CNTN4: variants seen among roughly 807,000 people sequenced by gnomAD.
The protein encoded by CNTN4 is contactin 4, also known as contactin-4.
CNTN4 carries 77 observed loss-of-function variants against 122.5 expected under a neutral mutation model. The ratio of observed to expected loss-of-function variants is 0.63; its 90% CI spans 0.52 to 0.76. The LOEUF (loss-of-function observed/expected upper bound fraction) is 0.76, where lower values mean the gene tolerates loss of function less well. Among genes scored for constraint, CNTN4 ranks in the 30% least tolerant of loss-of-function variants. The probability of loss-of-function intolerance (pLI) is 0.00; values close to 1 mark genes in which losing one functional copy is unlikely to be tolerated. For missense variants in CNTN4, 1,256 were observed against 1,259.1 expected (o/e 1.00, Z 0.04); for synonymous variants, 512 against 447.0 (o/e 1.15, Z -1.83).
intron 2 of CNTN4, among the ~76,000 whole-genome samples, chr3:2,335,296 A>T (rs1009448150): frequency 7.7e-6 from 1 of 129,384 alleles, no homozygotes; most frequent in Admixed American, 8.5e-5. Context: ...TGAATTTTTC[A>T]TGATTAAAAA....
chr3:2,429,869 G>C (rs2047994747), intron 3 of CNTN4, among the ~76,000 whole-genome samples: 1 of 152,136 alleles, frequency 6.6e-6, no homozygotes, highest in Non-Finnish European at 1.5e-5. Context: ...CGTGGGCATG[G>C]GACCCTCCAA....
intron 4 of CNTN4, among the ~76,000 whole-genome samples, chr3:2,620,099 T>G (rs2081937940): frequency 2.0e-5 from 3 of 152,200 alleles, no homozygotes; most frequent in African/African-American, 7.2e-5. Context: ...ATATTAAGAT[T>G]CAATGTTTAA....
intron 13 of CNTN4, among the ~76,000 whole-genome samples, chr3:2,937,317 G>GC (rs2094575730): frequency 1.3e-5 from 2 of 152,118 alleles, no homozygotes; most frequent in South Asian, 4.1e-4. Flanking sequence ...TTCTTTTCAT[G>GC]CCCCCAAAAT....
intron 13 of CNTN4, among the ~76,000 whole-genome samples, chr3:2,983,428 C>A (rs1312156927): frequency 6.6e-6 from 1 of 151,874 alleles, no homozygotes; most frequent in Non-Finnish European, 1.5e-5. Flanking sequence ...TTAGTCTTAA[C>A]AGAATCCTTT....
intron 3 of CNTN4, among the ~76,000 whole-genome samples, chr3:2,567,233 T>C (rs1032855880): frequency 7.9e-5 from 12 of 152,018 alleles, no homozygotes; most frequent in African/African-American, 2.9e-4. Flanking sequence ...ACTACAGGCA[T>C]GTGCCACCAC....
intron 3 of CNTN4, among the ~76,000 whole-genome samples, chr3:2,490,066 C>G (rs537821943): frequency 2.6e-5 from 4 of 151,162 alleles, no homozygotes; most frequent in Non-Finnish European, 5.9e-5. Flanking sequence ...GAATTATTAT[C>G]TCTACCAGGA....
intron 3 of CNTN4, among the ~76,000 whole-genome samples, chr3:2,402,875 G>GT (rs1429385095): frequency 2.6e-5 from 4 of 152,102 alleles, no homozygotes; most frequent in South Asian, 2.1e-4. Flanking sequence ...AAATTGCTGT[G>GT]ATTGCAATAG....
chr3:2,667,574 G>T (rs1281073026), intron 4 of CNTN4, among the ~76,000 whole-genome samples: 3 of 151,918 alleles, frequency 2.0e-5, no homozygotes, highest in Admixed American at 2.0e-4. Context: ...TTCTTTTGCT[G>T]TGCAGAAGCT....
intron 2 of CNTN4, among the ~76,000 whole-genome samples, chr3:2,112,601 G>T (rs2033047329): frequency 6.6e-6 from 1 of 152,060 alleles, no homozygotes; most frequent in Admixed American, 6.5e-5. Context: ...TTTGTATGTT[G>T]GTTTACTACC....
chr3:2,573,381 G>T (rs1310902186), intron 4 of CNTN4, among the ~76,000 whole-genome samples: 1 of 151,948 alleles, frequency 6.6e-6, no homozygotes, highest in Admixed American at 6.6e-5. Flanking sequence ...CCCCCATCTG[G>T]TCAGAGCCTT....
At chr3:2,581,636 T>C (rs1269961318) in intron 4 of CNTN4, among the ~76,000 whole-genome samples, 4 of 152,204 alleles carry the variant, frequency 2.6e-5, no homozygotes, top group African/African-American at 9.6e-5. Flanking sequence ...GTTTTTTTTC[T>C]CTTGTAAAGT....
intron 3 of CNTN4, among the ~76,000 whole-genome samples, chr3:2,405,961 A>G (rs914106076): frequency 6.6e-6 from 1 of 152,030 alleles, no homozygotes; most frequent in African/African-American, 2.4e-5. Context: ...CGGGAGGTCA[A>G]GGTTGTAGTG....
chr3:2,969,802 A>C (rs1272432972), intron 13 of CNTN4, among the ~76,000 whole-genome samples: 2 of 152,162 alleles, frequency 1.3e-5, no homozygotes, highest in African/African-American at 4.8e-5. Context: ...GTATGATTTC[A>C]ATTATTAAAG....
chr3:2,666,368 A>G (rs1230220907), intron 4 of CNTN4, among the ~76,000 whole-genome samples: 1 of 152,166 alleles, frequency 6.6e-6, no homozygotes, highest in Non-Finnish European at 1.5e-5. Flanking sequence ...CATTATAAGT[A>G]AGATCTGATT....
At chr3:2,714,859 C>T (rs2087390487) in intron 4 of CNTN4, among the ~76,000 whole-genome samples, 1 of 152,092 alleles carries the variant, frequency 6.6e-6, no homozygotes. Flanking sequence ...TTCCTTGGCC[C>T]CCAAAGCTCT....
At chr3:2,533,214 A>G (rs992010776) in intron 3 of CNTN4, among the ~76,000 whole-genome samples, 2 of 150,978 alleles carry the variant, frequency 1.3e-5, no homozygotes, top group Middle Eastern at 3.2e-3. Flanking sequence ...TACATGTGCC[A>G]TGTTGGTGTG....
intron 4 of CNTN4, among the ~76,000 whole-genome samples, chr3:2,720,815 C>A (rs2087802483): frequency 6.6e-6 from 1 of 152,192 alleles, no homozygotes; most frequent in African/African-American, 2.4e-5. Flanking sequence ...AGGGATTTAA[C>A]ACTTACATCC....
intron 14 of CNTN4, among the ~76,000 whole-genome samples, chr3:3,011,837 G>C (rs921464740): frequency 6.6e-6 from 1 of 152,074 alleles, no homozygotes. Flanking sequence ...TTCCTCTGAA[G>C]CTTCCTGCAC....
chr3:2,547,409 G>C (rs983907652), intron 3 of CNTN4, among the ~76,000 whole-genome samples: 13 of 152,138 alleles, frequency 8.5e-5, no homozygotes, highest in East Asian at 3.9e-4. Flanking sequence ...GGGATTATAA[G>C]TGCTCACCAC....
Sources: gnomAD v4.1 joint callset for allele counts (sites outside exome capture counted in the v4.1 genomes callset) on GRCh38, gnomAD v4.1.1 for gene constraint, MANE v1.5 for transcripts, NCBI Gene and HGNC (gene_info 2026-07-23, HGNC 2026-07-21) for gene names.